The following AKAP19 variants were observed in gnomAD, a reference collection of about 807,000 sequenced individuals.
AKAP19 encodes the protein A-kinase anchoring protein 19.
chr2:190,177,557 G>T, the AKAP19 span, among the ~76,000 whole-genome samples: 11 of 152,110 alleles, frequency 7.2e-5, no homozygotes, highest in Non-Finnish European at 1.6e-4. This position sits in a 1 kb window ranked among gnomAD's most constrained non-coding sequence, Gnocchi z 4.6. Flanking sequence ...CTTCTGCCTC[G>T]CCGGCATAAC....
the AKAP19 span, among the ~76,000 whole-genome samples, chr2:190,145,858 AAT>A: frequency 7.8e-5 from 11 of 141,522 alleles, no homozygotes; most frequent in Admixed American, 2.3e-4. Flanking sequence ...TATAAAAAGA[AAT>A]ATATATATAA....
At chr2:190,185,218 CTACA>C in the AKAP19 span, among the ~76,000 whole-genome samples, 1 of 152,102 alleles carries the variant, frequency 6.6e-6, no homozygotes, top group Non-Finnish European at 1.5e-5. Flanking sequence ...AGTGGTTTTA[CTACA>C]TAAAGACTAA....
the AKAP19 span, among the ~76,000 whole-genome samples, chr2:189,945,467 T>C: frequency 5.5e-4 from 84 of 152,330 alleles, no homozygotes; most frequent in African/African-American, 1.9e-3. Flanking sequence ...TACAACTTCA[T>C]AAGAAACTTG....
the AKAP19 span, among the ~76,000 whole-genome samples, chr2:190,145,813 G>A: frequency 1.5e-5 from 2 of 132,588 alleles, no homozygotes; most frequent in African/African-American, 5.5e-5. Context: ...ATATATAGTG[G>A]GTGTAATATA....
chr2:189,963,200 T>TTTTTTTTTC, the AKAP19 span, among the ~76,000 whole-genome samples: 1 of 6,320 alleles, frequency 1.6e-4, no homozygotes, highest in African/African-American at 1.7e-4. Flanking sequence ...TTCACTTCTC[T>TTTTTTTTTC]TTTTTTTTTT....
chr2:190,043,654 T>C, the AKAP19 span, among the ~76,000 whole-genome samples: 100 of 152,352 alleles, frequency 6.6e-4, no homozygotes, highest in South Asian at 1.7e-3. Flanking sequence ...ATCTCAGTGA[T>C]CTTTTTTCCT....
the AKAP19 span, among the ~76,000 whole-genome samples, chr2:190,151,895 TG>T: frequency 6.6e-6 from 1 of 151,786 alleles, no homozygotes; most frequent in Non-Finnish European, 1.5e-5. Context: ...CCCAGCTACT[TG>T]GGAGGCTGAG....
At chr2:190,160,192 G>T in the AKAP19 span, among the ~76,000 whole-genome samples, 2 of 152,072 alleles carry the variant, frequency 1.3e-5, no homozygotes, top group East Asian at 3.9e-4. Context: ...AAGTTGCTTT[G>T]CAAACAACTA....
chr2:190,095,151 G>A, the AKAP19 span, among the ~76,000 whole-genome samples: 1 of 152,150 alleles, frequency 6.6e-6, no homozygotes, highest in Non-Finnish European at 1.5e-5. Context: ...GAAACCAGGA[G>A]GCGGAGGTTA....
chr2:190,058,501 T>C, the AKAP19 span, among the ~76,000 whole-genome samples: 1 of 151,954 alleles, frequency 6.6e-6, no homozygotes, highest in Non-Finnish European at 1.5e-5. Flanking sequence ...GTAGCATATA[T>C]AAAGGAAACT....
the AKAP19 span, among the ~76,000 whole-genome samples, chr2:190,049,027 A>G: frequency 6.6e-6 from 1 of 152,160 alleles, no homozygotes; most frequent in African/African-American, 2.4e-5. Context: ...ATTACCAAAA[A>G]AACTGGAAGC....
At chr2:189,925,899 G>T in the AKAP19 span, among the ~76,000 whole-genome samples, 23 of 152,188 alleles carry the variant, frequency 1.5e-4, no homozygotes, top group Admixed American at 8.5e-4. Flanking sequence ...ATTATCAAAT[G>T]TTATCAAGAG....
chr2:189,982,664 C>A, the AKAP19 span, among the ~76,000 whole-genome samples: 1 of 143,910 alleles, frequency 6.9e-6, no homozygotes, highest in Middle Eastern at 3.6e-3. Flanking sequence ...GGAACCTTAA[C>A]TTTTTTTTTT....
the AKAP19 span, among the ~76,000 whole-genome samples, chr2:190,071,077 CTAGTGTG>C: frequency 5.9e-5 from 9 of 152,200 alleles, no homozygotes; most frequent in South Asian, 1.9e-3. Context: ...TGGGCCTAGG[CTAGTGTG>C]TGTGTTTGTG....
the AKAP19 span, among the ~76,000 whole-genome samples, chr2:189,942,213 C>T: frequency 6.6e-6 from 1 of 152,108 alleles, no homozygotes; most frequent in Non-Finnish European, 1.5e-5. Context: ...GTACTGTTTT[C>T]ATGCTAGTGA....
chr2:189,996,708 T>C, the AKAP19 span, among the ~76,000 whole-genome samples: 33 of 152,216 alleles, frequency 2.2e-4, no homozygotes, highest in African/African-American at 8.0e-4. Context: ...TGATTCCTTC[T>C]CATTTGGATA....
chr2:189,985,689 T>C, the AKAP19 span, among the ~76,000 whole-genome samples: 3 of 152,192 alleles, frequency 2.0e-5, no homozygotes, highest in Non-Finnish European at 4.4e-5. Context: ...TGATAAGAAC[T>C]CAGTCCAGCT....
At chr2:189,992,419 A>T in the AKAP19 span, among the ~76,000 whole-genome samples, 1 of 152,110 alleles carries the variant, frequency 6.6e-6, no homozygotes, top group African/African-American at 2.4e-5. Flanking sequence ...CTGTTTTGGT[A>T]ACTGTAGCCT....
the AKAP19 span, among the ~76,000 whole-genome samples, chr2:189,936,259 TACAC>T: frequency 0.013 from 1,889 of 149,002 alleles, 29 homozygotes; most frequent in African/African-American, 0.041. Context: ...GACTTGTTGA[TACAC>T]ACACACACAC....
Sources: gnomAD v4.1 joint callset for allele counts (sites outside exome capture counted in the v4.1 genomes callset) on GRCh38, gnomAD v4.1.1 for gene constraint, Gnocchi (gnomAD v3.1) non-coding constraint, MANE v1.5 for transcripts, NCBI Gene and HGNC (gene_info 2026-07-23, HGNC 2026-07-21) for gene names.